ETFBKMT: variants seen among roughly 807,000 people sequenced by gnomAD.
ETFBKMT encodes the protein electron transfer flavoprotein beta subunit lysine methyltransferase.
A neutral mutation model predicts 18.3 loss-of-function variants in ETFBKMT; 13 were observed. That is an observed-to-expected ratio of 0.71 (90% confidence interval 0.46 to 1.13). The LOEUF is 1.13. Among genes scored for constraint, ETFBKMT ranks in the 50% most tolerant of loss-of-function variants. The pLI is 0.00. For missense variants in ETFBKMT, 293 were observed against 306.2 expected, an observed-to-expected ratio of 0.96 and a Z score of 0.32; for synonymous variants, 84 against 107.9, an observed-to-expected ratio of 0.78 and a Z score of 1.37.
chr12:31,660,466 A>G (rs182863689), intron 1 of ETFBKMT, among the ~76,000 whole-genome samples: 37 of 152,324 alleles, frequency 2.4e-4, no homozygotes, highest in Non-Finnish European at 4.3e-4. Flanking sequence ...AACTGGGTGT[A>G]TAAGTTGTGT....
At chr12:31,655,251 A>G (rs1951051896), upstream of ETFBKMT, among the ~76,000 whole-genome samples, 1 of 152,206 alleles carries the variant, frequency 6.6e-6, no homozygotes, top group Admixed American at 6.5e-5. Context: ...CAAAGGGAAA[A>G]TTAAGCCTGC....
At chr12:31,665,205 G>A (rs944681742) in intron 2 of ETFBKMT, among the ~76,000 whole-genome samples, 1 of 152,136 alleles carries the variant, frequency 6.6e-6, no homozygotes, top group Non-Finnish European at 1.5e-5. Flanking sequence ...CAAAGTGCTG[G>A]GATTACAGGC....
chr12:31,665,224 CTG>C (rs1297411888), intron 2 of ETFBKMT, among the ~76,000 whole-genome samples: 4 of 152,212 alleles, frequency 2.6e-5, no homozygotes, highest in Non-Finnish European at 5.9e-5. Context: ...GCAGGAGCCA[CTG>C]TGCCCAGCCT....
At chr12:31,665,968 T>C in intron 2 of ETFBKMT, 119 bp from the exon 3 acceptor site, 1 of 756,202 alleles carries the variant, frequency 1.3e-6, no homozygotes, top group Non-Finnish European at 2.1e-6. Flanking sequence ...GTCACAGTGC[T>C]GCAGAGATTT....
At chr12:31,656,637 T>C (rs1363950359), upstream of ETFBKMT, among the ~76,000 whole-genome samples, 1 of 152,200 alleles carries the variant, frequency 6.6e-6, no homozygotes, top group East Asian at 1.9e-4. Flanking sequence ...ATTTAATTAG[T>C]CTCCAAGTCC....
upstream of ETFBKMT, among the ~76,000 whole-genome samples, chr12:31,658,855 A>G (rs74644969): frequency 6.6e-6 from 1 of 152,114 alleles, no homozygotes; most frequent in African/African-American, 2.4e-5. Context: ...ATGAATTATT[A>G]GAAAAGAAAG....
upstream of ETFBKMT, among the ~76,000 whole-genome samples, chr12:31,658,926 CTT>C (rs10716608): frequency 0.081 from 11,061 of 137,200 alleles, 596 homozygotes; most frequent in East Asian, 0.19. Context: ...TATACTGTGT[CTT>C]TTTTTTTTTT....
Position 31,662,029 on chromosome 12 carries a change from C to CT in ETFBKMT, c.78dup (p.Leu27SerfsTer20). 1 of 1,614,240 alleles carries CT rather than the reference C, an allele frequency of 6.2e-7. No homozygotes were observed. The stretch of plus-strand genomic sequence containing the variant: ...CTTGCAGGCTCTGCGAAGCAGTGGT[C>CT]TTCTCTTGTTTCCCTGTGGCCAGTG... On this transcript the variant is annotated frameshift_variant, in exon 2 of 4. Coordinates refer to ENST00000357721, the MANE Select transcript of ETFBKMT (RefSeq NM_001135863.2). LOFTEE classifies it high-confidence loss of function.
chr12:31,662,238 C>G lies in ETFBKMT; in HGVS notation c.285C>G (p.Ile95Met). ...CCCACAGTGATCCTTACTGGGCAAT[C>G]TACTGGCCAGGAGGCCAAGCCCTGT... Reference protein sequence around the residue: ...LWPHSDPYWAIYWPGGQALSR... With the variant: ...LWPHSDPYWAMYWPGGQALSR... Residue 95 changes from isoleucine (I) to methionine (M), a missense_variant, in exon 2 of 4, where the codon ATC (isoleucine) becomes ATG (methionine). Ile to Met is a conservative substitution (Grantham distance 10, BLOSUM62 1). Coordinates refer to ENST00000357721, the MANE Select transcript of ETFBKMT (RefSeq NM_001135863.2). The G allele has an allele frequency of 6.2e-7, 1 of 1,614,216 alleles. No individual in the cohort carries two copies. The highest frequency in any genetic ancestry group is 8.5e-7 in the Non-Finnish European group (1 of 1,180,030).
In ETFBKMT at chr12:31,671,045, A is replaced by G. The variant is rs981359916; in HGVS notation, c.*3055A>G. On this transcript the variant is annotated 3_prime_UTR_variant, in exon 4 of 4. Coordinates refer to ENST00000357721, the MANE Select transcript of ETFBKMT (RefSeq NM_001135863.2). ...TAAAAAAGGAGAAATATCAAACTGCAAACTGTTTTAGGAAGATAAATCCTT... is the reference window on the plus strand; with the variant it reads ...TAAAAAAGGAGAAATATCAAACTGCGAACTGTTTTAGGAAGATAAATCCTT... 2 of 152,204 alleles carry G rather than the reference A, an allele frequency of 1.3e-5. No individual in the cohort carries two copies. The highest frequency in any genetic ancestry group is 2.9e-5 in the Non-Finnish European group (2 of 68,026). The allele number at this position is 152,204 out of a possible 1,614,324, so 9.4% of individuals were successfully genotyped here.
In ETFBKMT at chr12:31,670,526, A is replaced by C. The variant is rs139885376; in HGVS notation, c.*2536A>C. On this transcript the variant is annotated 3_prime_UTR_variant, in exon 4 of 4. Transcript: ENST00000357721. The stretch of plus-strand genomic sequence containing the variant: ...TCTCTCATCCAGGCTGGAGTTCAGC[A>C]ATGCGACCGTGCTCACTGCAGCCTC... 7.7e-3 allele frequency: 1,178 copies of C among 152,302 alleles called. 11 individuals carry two copies. Among genetic ancestry groups the C allele is most frequent in the Middle Eastern group, 0.01 (3 of 296 alleles). 9.4% of individuals were successfully genotyped at this position (152,302 alleles called of 1,614,324 possible).
rs1406085331 is a variant in ETFBKMT, at chr12:31,667,705, T to G, written c.504T>G (p.Ile168Met). ...TGAACAGACTGAATCCTTTTCCTAT[T>G]TTAATCCAAAACATTTTGAATTTGG... Reference protein sequence around the residue: ...CELNRLNPFPILIQNILNLEQ... With the variant: ...CELNRLNPFPMLIQNILNLEQ... The change falls in exon 4 of 4, where the codon ATT becomes ATG. Residue 168 changes from isoleucine (I) to methionine (M), a missense_variant. Transcript: ENST00000357721. 1.2e-6 allele frequency: 2 copies of G among 1,614,196 alleles called. No individual in the cohort carries two copies. Among genetic ancestry groups the G allele is most frequent in the East Asian group, 4.5e-5 (2 of 44,896 alleles).
intron 2 of ETFBKMT, 29 bp from the exon 3 acceptor site, chr12:31,666,058 C>CT: frequency 6.3e-7 from 1 of 1,597,638 alleles, no homozygotes; most frequent in Non-Finnish European, 8.5e-7. Flanking sequence ...CCTCATCTCT[C>CT]TGAGACATGT....
In ETFBKMT at chr12:31,653,956, T is replaced by A. The variant is rs546482199; in HGVS notation, c.-114+6701T>A. Among the ~76,000 whole-genome samples, 7 of 151,984 alleles carry A rather than the reference T, an allele frequency of 4.6e-5. No individual in the cohort carries two copies. In the East Asian group the frequency reaches 1.4e-3, roughly 29 times the overall value. ...GAGTGAAACTCTGTCTCAAAAAAAATAAAGAAGACAAATAATAGCAAGTGT... is the reference window on the plus strand; with the variant it reads ...GAGTGAAACTCTGTCTCAAAAAAAAAAAAGAAGACAAATAATAGCAAGTGT... On this transcript the variant is annotated intron_variant, in intron 1 of 3. Transcript: ENST00000412352.
chr12:31,656,311 T>C (rs1565746853), upstream of ETFBKMT, among the ~76,000 whole-genome samples: 1 of 152,148 alleles, frequency 6.6e-6, no homozygotes, highest in Non-Finnish European at 1.5e-5. Flanking sequence ...CGGTTAGCAG[T>C]GGCAGCTTTC....
intron 2 of ETFBKMT, among the ~76,000 whole-genome samples, chr12:31,664,406 T>C (rs1400071106): frequency 6.6e-6 from 1 of 152,118 alleles, no homozygotes; most frequent in Non-Finnish European, 1.5e-5. Flanking sequence ...TTAGCAGTAT[T>C]TTGTCAGTCT....
At chr12:31,657,897 G>A (rs1951076089), upstream of ETFBKMT, among the ~76,000 whole-genome samples, 1 of 152,016 alleles carries the variant, frequency 6.6e-6, no homozygotes, top group Non-Finnish European at 1.5e-5. Flanking sequence ...CTAAGGCAAT[G>A]GCAGGAGGGA....
chr12:31,672,242 A>C lies in ETFBKMT; in HGVS notation c.*4252A>C, dbSNP rs1028052510. 2 of 1,122,578 alleles carry C rather than the reference A, an allele frequency of 1.8e-6. No individual in the cohort carries two copies. Among genetic ancestry groups the C allele is most frequent in the African/African-American group, 3.1e-5 (2 of 64,490 alleles). The allele number at this position is 1,122,578 out of a possible 1,614,324, so 69.5% of individuals were successfully genotyped here. On this transcript the variant is annotated 3_prime_UTR_variant, in exon 4 of 4. Coordinates refer to ENST00000357721, the MANE Select transcript of ETFBKMT (RefSeq NM_001135863.2). ...TTAAGTAGAATGCAAATCTCTATAG[A>C]TGGTTTCCTGGGAAAGTAGTTTTGA... is the stretch of plus-strand genomic sequence containing the variant.
chr12:31,671,601 A>G lies in ETFBKMT; in HGVS notation c.*3611A>G, dbSNP rs1189625475. The G allele has an allele frequency of 6.6e-6, 1 of 152,192 alleles. No homozygotes were observed. The highest frequency in any genetic ancestry group is 1.5e-5 in the Non-Finnish European group (1 of 68,030). The allele number at this position is 152,192 out of a possible 1,614,324, so 9.4% of individuals were successfully genotyped here. A position where few individuals can be genotyped will look rare whatever the true frequency, so the allele number is the denominator to read the frequency against. On this transcript the variant is annotated 3_prime_UTR_variant, in exon 4 of 4. Coordinates refer to ENST00000357721, the MANE Select transcript of ETFBKMT (RefSeq NM_001135863.2). Reference sequence around the variant, plus strand: ...GTCTCTGTAGTGATATTCTGTATTTACTCATTTTTACACATTTTTGAATGC... The same window carrying G: ...GTCTCTGTAGTGATATTCTGTATTTGCTCATTTTTACACATTTTTGAATGC...
Sources: gnomAD v4.1 joint callset for allele counts (sites outside exome capture counted in the v4.1 genomes callset) on GRCh38, gnomAD v4.1.1 for gene constraint, MANE v1.5 for transcripts, NCBI Gene and HGNC (gene_info 2026-07-23, HGNC 2026-07-21) for gene names.